SMPD3: variants seen among roughly 807,000 people sequenced by gnomAD.
SMPD3 encodes sphingomyelin phosphodiesterase 3.
A neutral mutation model predicts 55.7 loss-of-function variants in SMPD3; 21 were observed. The observed-to-expected ratio is 0.38, with a 90% confidence interval of 0.27 to 0.54. The LOEUF is 0.54. Ranked by LOEUF, SMPD3 falls within the 20% of genes least tolerant of loss-of-function variation. The pLI, the probability that SMPD3 is intolerant of heterozygous loss-of-function variation, is 0.80. For synonymous variants in SMPD3, 457 were observed against 404.3 expected (o/e 1.13, Z -1.56); for missense variants, 842 against 899.6 (o/e 0.94, Z 0.82).
At chr16:68,364,653 G>A in intron 5 of SMPD3, 98 bp downstream of exon 5, 1 of 1,359,678 alleles carries the variant, frequency 7.4e-7, no homozygotes, top group Non-Finnish European at 1.0e-6. Context: ...TCGAGGAGCA[G>A]GAATTCTTTG....
rs1597586519 is a variant in SMPD3, at chr16:68,363,712, G to A, written c.1645+65C>T. The stretch of plus-strand genomic sequence containing the variant: ...AGTGGGGTCTTGTGGGGTAGGTCCT[G>A]GTGATCTTTGAGGGAAGTCTGTGGG... On this transcript the variant is annotated intron_variant, in intron 6 of 8. Transcript: ENST00000219334. The A allele has an allele frequency of 5.4e-6, 8 of 1,492,278 alleles. No homozygotes were observed. The East Asian group carries it at 1.7e-4, about 31-fold the overall frequency. The allele number at this position is 1,492,278 out of a possible 1,614,324, so 92.4% of individuals were successfully genotyped here. A position where few individuals can be genotyped will look rare whatever the true frequency, so the allele number is the denominator to read the frequency against.
At chr16:68,429,230 G>A (rs2090461043) in intron 1 of SMPD3, among the ~76,000 whole-genome samples, 1 of 152,218 alleles carries the variant, frequency 6.6e-6, no homozygotes, top group Non-Finnish European at 1.5e-5. Flanking sequence ...TGGATACAGT[G>A]GGCTCCATTC....
intron 1 of SMPD3, among the ~76,000 whole-genome samples, chr16:68,442,921 C>T (rs543148352): frequency 6.6e-5 from 10 of 152,258 alleles, no homozygotes; most frequent in East Asian, 3.9e-4. Flanking sequence ...CAGAGCTCTG[C>T]GAAGCCCCAG....
intron 2 of SMPD3, among the ~76,000 whole-genome samples, chr16:68,382,445 G>A (rs1161555502): frequency 1.3e-5 from 2 of 152,262 alleles, no homozygotes; most frequent in Non-Finnish European, 2.9e-5. Context: ...ATGCAGCATA[G>A]TGGCTGCTCA....
At chr16:68,373,808 C>G (rs1053342418) in intron 2 of SMPD3, among the ~76,000 whole-genome samples, 3 of 152,164 alleles carry the variant, frequency 2.0e-5, no homozygotes, top group African/African-American at 7.2e-5. Context: ...GGGAGCTCAG[C>G]CCCTCTGTCA....
chr16:68,367,759 G>A (rs1299126191), intron 3 of SMPD3: 2 of 152,242 alleles, frequency 1.3e-5, no homozygotes, highest in Non-Finnish European at 2.9e-5. Flanking sequence ...CTGGCTCGTG[G>A]CCTTGGGAGC....
chr16:68,384,222 G>A (rs1047634462), intron 2 of SMPD3, among the ~76,000 whole-genome samples: 2 of 152,228 alleles, frequency 1.3e-5, no homozygotes, highest in African/African-American at 2.4e-5. Flanking sequence ...TTCTGTTGGG[G>A]CTGTTCCCTG....
chr16:68,385,856 C>A (rs1214206693), intron 2 of SMPD3, among the ~76,000 whole-genome samples: 1 of 152,190 alleles, frequency 6.6e-6, no homozygotes, highest in Non-Finnish European at 1.5e-5. Flanking sequence ...TACCAAGGTT[C>A]TGTCAATTTA....
chr16:68,448,118 G>A (rs2090624578), intron 1 of SMPD3, among the ~76,000 whole-genome samples: 1 of 152,148 alleles, frequency 6.6e-6, no homozygotes, highest in Non-Finnish European at 1.5e-5. Context: ...GGGGGTGGGG[G>A]TGACCCCCAG....
chr16:68,381,434 C>G (rs2089949510), intron 2 of SMPD3, among the ~76,000 whole-genome samples: 1 of 152,198 alleles, frequency 6.6e-6, no homozygotes, highest in African/African-American at 2.4e-5. Context: ...AAGCCCGAGA[C>G]AGGACTCTTG....
chr16:68,443,147 G>A (rs2090581162), intron 1 of SMPD3, among the ~76,000 whole-genome samples: 1 of 152,214 alleles, frequency 6.6e-6, no homozygotes, highest in African/African-American at 2.4e-5. Context: ...CAAGATTGGA[G>A]CAGTTGGAAC....
At chr16:68,388,522 T>C (rs563559446) in intron 1 of SMPD3, among the ~76,000 whole-genome samples, 2 of 152,146 alleles carry the variant, frequency 1.3e-5, no homozygotes, top group African/African-American at 4.8e-5. Context: ...CACTGCCCTC[T>C]CTCTAAGTGG....
rs769618974 is a variant in SMPD3, at chr16:68,371,736, G to T, written c.446C>A (p.Ala149Glu). The part of the protein sequence containing the change: ...ARVNNLFNTQ[A>E]RAKEIGQRIR... Reference sequence around the variant, plus strand: ...TCTCTGCCCGATCTCCTTGGCCCGCGCTTGGGTGTTAAAAAGGTTGTTGAC... The same window carrying T: ...TCTCTGCCCGATCTCCTTGGCCCGCTCTTGGGTGTTAAAAAGGTTGTTGAC... The change falls in exon 3 of 9, where the codon GCG (alanine) becomes GAG (glutamate). Residue 149 changes from alanine (A) to glutamate (E), a missense_variant. Around this residue, in one of 2 missense-constraint regions of SMPD3, gnomAD observed 193 missense variants for 256.0 expected, o/e 0.75. Coordinates refer to ENST00000219334, the MANE Select transcript of SMPD3 (RefSeq NM_018667.4). 5.0e-6 allele frequency: 8 copies of T among 1,609,134 alleles called. No individual in the cohort carries two copies. The highest frequency in any genetic ancestry group is 5.9e-6 in the Non-Finnish European group (7 of 1,177,340).
chr16:68,362,323 G>A (rs1190157011), intron 7 of SMPD3, among the ~76,000 whole-genome samples: 1 of 152,248 alleles, frequency 6.6e-6, no homozygotes, highest in East Asian at 1.9e-4. Context: ...GGAACAGGCT[G>A]TCATCCCGCT....
intron 1 of SMPD3, among the ~76,000 whole-genome samples, chr16:68,430,692 T>A (rs1276432094): frequency 6.6e-6 from 1 of 152,176 alleles, no homozygotes; most frequent in Non-Finnish European, 1.5e-5. Context: ...GGAAGAGAAT[T>A]TGGAAACACA....
chr16:68,387,122 T>C (rs1444423599), intron 1 of SMPD3, among the ~76,000 whole-genome samples: 2 of 151,964 alleles, frequency 1.3e-5, no homozygotes, highest in Non-Finnish European at 2.9e-5. Context: ...CCTAAGATAC[T>C]GAGGGTAGGG....
intron 2 of SMPD3, among the ~76,000 whole-genome samples, chr16:68,376,020 A>G (rs1237935015): frequency 6.6e-6 from 1 of 152,202 alleles, no homozygotes; most frequent in Non-Finnish European, 1.5e-5. Context: ...CTGGCGCAGG[A>G]GACACAAAAG....
intron 1 of SMPD3, among the ~76,000 whole-genome samples, chr16:68,427,528 A>G (rs975076546): frequency 9.2e-5 from 14 of 152,356 alleles, no homozygotes; most frequent in Admixed American, 2.6e-4. Context: ...GTAGCCACAC[A>G]TGGTTATCAG....
chr16:68,394,512 G>A (rs1344921184), intron 1 of SMPD3, among the ~76,000 whole-genome samples: 1 of 151,990 alleles, frequency 6.6e-6, no homozygotes, highest in African/African-American at 2.4e-5. Flanking sequence ...CCTCTTATTT[G>A]TTCCTTCAGA....
Sources: allele counts gnomAD v4.1 joint callset (sites outside exome capture counted in the v4.1 genomes callset), GRCh38; gene constraint gnomAD v4.1.1; regional missense constraint gnomAD v4.1.1; transcripts MANE v1.5; gene names NCBI Gene and HGNC (gene_info 2026-07-23, HGNC 2026-07-21).